SEC14L5: variants seen among roughly 807,000 people sequenced by gnomAD.
SEC14L5 encodes the protein SEC14 like lipid binding 5, also known as SEC14-like protein 5.
In SEC14L5, 96 loss-of-function variants were observed where a neutral mutation model predicts 84.6. The ratio of observed to expected loss-of-function variants is 1.13; its 90% confidence interval spans 0.96 to 1.34. The LOEUF (loss-of-function observed/expected upper bound fraction) is 1.34, where lower values mean the gene tolerates loss of function less well. Among genes scored for constraint, SEC14L5 ranks in the 40% most tolerant of loss-of-function variants. SEC14L5 has a pLI of 0.00. For missense variants in SEC14L5, 1,224 were observed against 942.5 expected, an observed-to-expected ratio of 1.30 and a Z score of -3.91; for synonymous variants, 546 against 383.4, an observed-to-expected ratio of 1.42 and a Z score of -4.95.
chr16:4,990,432 G>A (rs2972262), intron 4 of SEC14L5, among the ~76,000 whole-genome samples: 14,307 of 152,294 alleles, frequency 0.094, 908 homozygotes, highest in Middle Eastern at 0.14. Flanking sequence ...CAAAGTGCTC[G>A]GATTACAGGC....
At chr16:4,975,910 G>A (rs1195140289) in intron 2 of SEC14L5, among the ~76,000 whole-genome samples, 1 of 152,176 alleles carries the variant, frequency 6.6e-6, no homozygotes, top group East Asian at 1.9e-4. Flanking sequence ...TGGGCTGGAA[G>A]ATGTTGGTGC....
chr16:4,983,877 C>CAAAT (rs71139670), intron 2 of SEC14L5, among the ~76,000 whole-genome samples: 325 of 144,164 alleles, frequency 2.3e-3, no homozygotes, highest in Middle Eastern at 6.9e-3. Flanking sequence ...AACTCTGTCT[C>CAAAT]AAATAAATAA....
At chr16:4,978,665 C>T (rs779057770) in intron 2 of SEC14L5, among the ~76,000 whole-genome samples, 4 of 151,624 alleles carry the variant, frequency 2.6e-5, no homozygotes, top group Non-Finnish European at 5.9e-5. Context: ...TGCAGTGGTG[C>T]AATCTGGGCT....
In SEC14L5 at chr16:4,988,159, T is replaced by A; in HGVS notation, c.224T>A (p.Val75Asp). 1.2e-6 allele frequency: 2 copies of A among 1,608,360 alleles called. No homozygotes were observed. Among genetic ancestry groups the A allele is most frequent in the South Asian group, 2.2e-5 (2 of 90,992 alleles). The change falls in exon 4 of 16, where the codon GTT becomes GAT. Residue 75 changes from valine to aspartate, a missense_variant. Transcript: ENST00000251170. ...APRLLRKIAGVEHVVFVQTNI... is the reference protein window; with the variant it reads ...APRLLRKIAGDEHVVFVQTNI... ...CCCCTTCCCTTGCAGATCGCAGGTG[T>A]TGAGCACGTGGTCTTCGTGCAGACA... is the stretch of plus-strand genomic sequence containing the variant.
chr16:5,001,939 A>ATT (rs879623277), intron 10 of SEC14L5, among the ~76,000 whole-genome samples: 5 of 147,938 alleles, frequency 3.4e-5, no homozygotes, highest in South Asian at 2.1e-4. Flanking sequence ...TGCCCAGCTA[A>ATT]TTTTTTTTTT....
chr16:4,994,921 C>G (rs566311518), intron 6 of SEC14L5, among the ~76,000 whole-genome samples: 1 of 152,084 alleles, frequency 6.6e-6, no homozygotes, highest in African/African-American at 2.4e-5. Flanking sequence ...CACATCTGCC[C>G]GGGGCCGGAA....
chr16:4,974,188 T>G (rs563100542), intron 2 of SEC14L5, among the ~76,000 whole-genome samples: 2 of 152,224 alleles, frequency 1.3e-5, no homozygotes, highest in South Asian at 2.1e-4. Flanking sequence ...AGTTCATGAA[T>G]GTACTGAATG....
At chr16:5,013,593 C>T (rs988559439) in intron 15 of SEC14L5, among the ~76,000 whole-genome samples, 1 of 122,114 alleles carries the variant, frequency 8.2e-6, no homozygotes, top group Admixed American at 1.1e-4. Flanking sequence ...GGGTTTCACT[C>T]TGTCACCCAG....
At chr16:5,011,302 G>T (rs1293966504) in intron 15 of SEC14L5, 29 bp downstream of exon 15, 2 of 1,601,202 alleles carry the variant, frequency 1.2e-6, no homozygotes, top group African/African-American at 1.3e-5. Context: ...GGGGTCCTGG[G>T]CAGGAAGGAC....
intron 2 of SEC14L5, among the ~76,000 whole-genome samples, chr16:4,974,417 T>G (rs1955315494): frequency 6.6e-6 from 1 of 152,070 alleles, no homozygotes; most frequent in African/African-American, 2.4e-5. Context: ...TTGCCCAGGC[T>G]GGTCTTGAAC....
At chr16:4,985,486 C>T (rs573217807) in intron 2 of SEC14L5, among the ~76,000 whole-genome samples, 2 of 152,204 alleles carry the variant, frequency 1.3e-5, no homozygotes, top group Non-Finnish European at 2.9e-5. Flanking sequence ...CCTCAGCCCC[C>T]CAAGGTTCTG....
chr16:5,016,838 G>C lies in SEC14L5; in HGVS notation c.*1868G>C, dbSNP rs932045307. 1 of 152,174 alleles carries C rather than the reference G, an allele frequency of 6.6e-6. No individual in the cohort carries two copies. Among genetic ancestry groups the C allele is most frequent in the African/African-American group, 2.4e-5 (1 of 41,440 alleles). The allele number at this position is 152,174 out of a possible 1,614,324, so 9.4% of individuals were successfully genotyped here. ...AGAGAGCCTTGCCCACCTTCCTGTT[G>C]GCTCTCTGTCCGCTTCTCAGGTATC... is the stretch of plus-strand genomic sequence containing the variant. On this transcript the variant is annotated 3_prime_UTR_variant, in exon 16 of 16. Coordinates refer to ENST00000251170, the MANE Select transcript of SEC14L5 (RefSeq NM_014692.2).
chr16:4,967,483 T>G (rs1955215209), intron 2 of SEC14L5, among the ~76,000 whole-genome samples: 1 of 151,666 alleles, frequency 6.6e-6, no homozygotes, highest in Non-Finnish European at 1.5e-5. Context: ...AGCTGGGATT[T>G]GAACTCAGGG....
chr16:5,004,448 G>T (rs1189151896), intron 11 of SEC14L5, among the ~76,000 whole-genome samples: 1 of 152,106 alleles, frequency 6.6e-6, no homozygotes, highest in Non-Finnish European at 1.5e-5. Context: ...TCAAATGAGG[G>T]GTGTCCTGAA....
At chr16:4,993,992 A>G (rs894280940) in intron 6 of SEC14L5, among the ~76,000 whole-genome samples, 2 of 144,756 alleles carry the variant, frequency 1.4e-5, no homozygotes, top group African/African-American at 5.1e-5. Flanking sequence ...TTAATAATAC[A>G]TACTTGTTCT....
intron 8 of SEC14L5, among the ~76,000 whole-genome samples, chr16:4,999,089 T>C (rs552773196): frequency 6.6e-6 from 1 of 152,326 alleles, no homozygotes; most frequent in East Asian, 1.9e-4. Context: ...TAATGCCACA[T>C]TGTTGCATTT....
Position 4,971,348 on chromosome 16 carries a change from A to G in SEC14L5, c.63+11962A>G, listed in dbSNP as rs147970356. Among the ~76,000 whole-genome samples, 209 of 152,018 alleles carry G rather than the reference A, an allele frequency of 1.4e-3. 1 individual carries two copies. Among genetic ancestry groups the G allele is most frequent in the African/African-American group, 4.6e-3 (190 of 41,460 alleles). ...GTGATGTGTGCCTGTAATTCCAGCT[A>G]CTTGGGAGGCTGAGGCAGGAGGATC... On this transcript the variant is annotated intron_variant, in intron 2 of 15. Transcript: ENST00000251170.
chr16:4,999,649 T>C (rs1315170331), intron 8 of SEC14L5, among the ~76,000 whole-genome samples: 1 of 150,016 alleles, frequency 6.7e-6, no homozygotes, highest in African/African-American at 2.5e-5. Flanking sequence ...CATGGTGGGC[T>C]CACGTCTGTA....
At chr16:4,990,988 T>C (rs905910783) in intron 5 of SEC14L5, 93 bp downstream of exon 5, 1 of 1,061,654 alleles carries the variant, frequency 9.4e-7, no homozygotes. Flanking sequence ...CCCTTACCCT[T>C]CCTGGGCTCA....
Sources: allele counts gnomAD v4.1 joint callset (sites outside exome capture counted in the v4.1 genomes callset), GRCh38; gene constraint gnomAD v4.1.1; transcripts MANE v1.5; gene names NCBI Gene and HGNC (gene_info 2026-07-23, HGNC 2026-07-21).